Variants in BTBD9 observed in about 807,000 individuals in gnomAD.
BTBD9 encodes BTB/POZ domain-containing protein 9.
In BTBD9, 49 loss-of-function variants were observed where a neutral mutation model predicts 64.3. That is an observed-to-expected ratio of 0.76 (90% CI 0.61 to 0.97). BTBD9 has a LOEUF of 0.97. Ranked by LOEUF, BTBD9 falls within the 50% of genes least tolerant of loss-of-function variation. The pLI is 0.00. For synonymous variants in BTBD9, 260 were observed against 274.7 expected, an observed-to-expected ratio of 0.95 and a Z score of 0.53; for missense variants, 598 against 762.1, an observed-to-expected ratio of 0.78 and a Z score of 2.53.
chr6:38,621,095 A>T (rs1777966519), intron 1 of BTBD9, among the ~76,000 whole-genome samples: 1 of 152,212 alleles, frequency 6.6e-6, no homozygotes, highest in South Asian at 2.1e-4. Flanking sequence ...AGCTGGCCTC[A>T]CTGTTTACAG....
At chr6:38,179,791 A>G (rs1761464813) in intron 10 of BTBD9, 1 of 456,620 alleles carries the variant, frequency 2.2e-6, no homozygotes, top group Non-Finnish European at 4.4e-6. Flanking sequence ...CATACATCAG[A>G]GGTGTGTGAG....
rs1766647673 is a variant in BTBD9, at chr6:38,169,264, G to GCT, written c.*5720_*5721insAG. 6.6e-6 allele frequency: 1 copy of GCT among 152,456 alleles called. No individual in the cohort carries two copies. The highest frequency in any genetic ancestry group is 1.5e-5 in the Non-Finnish European group (1 of 68,240). The allele number at this position is 152,456 out of a possible 1,614,324, so 9.4% of individuals were successfully genotyped here. A position where few individuals can be genotyped will look rare whatever the true frequency, so the allele number is the denominator to read the frequency against. On this transcript the variant is annotated 3_prime_UTR_variant, in exon 11 of 11. Transcript: ENST00000481247. ...ACTGGCCGCACCCTCAGGCCCAGGT[G>GCT]GGAAGTGTGGGCTGGGGGTAAACCC...
chr6:38,366,475 T>C (rs997687727), intron 6 of BTBD9, among the ~76,000 whole-genome samples: 2 of 152,250 alleles, frequency 1.3e-5, no homozygotes, highest in African/African-American at 2.4e-5. Flanking sequence ...AAAGGAAAGC[T>C]GTCCCCTAAG....
intron 6 of BTBD9, among the ~76,000 whole-genome samples, chr6:38,409,044 G>C (rs955818232): frequency 6.6e-6 from 1 of 152,140 alleles, no homozygotes; most frequent in Non-Finnish European, 1.5e-5. Flanking sequence ...GAGGCCAGGA[G>C]TTCGAGCCCA....
intron 6 of BTBD9, among the ~76,000 whole-genome samples, chr6:38,511,267 C>T (rs1157286388): frequency 6.6e-6 from 1 of 151,586 alleles, no homozygotes; most frequent in Non-Finnish European, 1.5e-5. Context: ...ACCTTCCTTA[C>T]AAAATATTGT....
At chr6:38,187,852 G>A (rs1335937024) in intron 10 of BTBD9, among the ~76,000 whole-genome samples, 2 of 152,172 alleles carry the variant, frequency 1.3e-5, no homozygotes, top group African/African-American at 2.4e-5. Context: ...AGCAGCAGAC[G>A]TACACTTCCC....
intron 9 of BTBD9, among the ~76,000 whole-genome samples, chr6:38,219,665 T>C (rs555994321): frequency 6.6e-6 from 1 of 152,314 alleles, no homozygotes; most frequent in African/African-American, 2.4e-5. Context: ...GGTCTCAAGA[T>C]GAGTGTGTGT....
intron 7 of BTBD9, among the ~76,000 whole-genome samples, chr6:38,337,548 G>A (rs1332539468): frequency 6.6e-6 from 1 of 152,134 alleles, no homozygotes; most frequent in East Asian, 1.9e-4. Flanking sequence ...TATCTTACTA[G>A]GCAAGAGATA....
chr6:38,536,015 G>C (rs564946222), intron 6 of BTBD9, among the ~76,000 whole-genome samples: 1 of 151,466 alleles, frequency 6.6e-6, no homozygotes, highest in African/African-American at 2.4e-5. Context: ...AAGTTAAAAA[G>C]CTTCTGCACA....
rs1171327080 is a variant in BTBD9 at position 38,172,773 on chromosome 6, AAAG to A, written c.*2209_*2211del. 1 of 152,432 alleles carries A rather than the reference AAAG, an allele frequency of 6.6e-6. No homozygotes were observed. Among genetic ancestry groups the A allele is most frequent in the Non-Finnish European group, 1.5e-5 (1 of 68,174 alleles). The allele number at this position is 152,432 out of a possible 1,614,324, so 9.4% of individuals were successfully genotyped here. ...GATCTGGAAGGGCATGCCCCGAAGG[AAAG>A]AACCGCCACAGGCCAGGGAGCTGCA... On this transcript the variant is annotated 3_prime_UTR_variant, in exon 11 of 11. Transcript: ENST00000481247.
intron 6 of BTBD9, among the ~76,000 whole-genome samples, chr6:38,427,867 T>C (rs1178484804): frequency 6.6e-6 from 1 of 151,882 alleles, no homozygotes; most frequent in African/African-American, 2.4e-5. Context: ...CTAGAGTAAG[T>C]TTTATTTGAT....
At chr6:38,636,035 G>A (rs1778516298) in intron 1 of BTBD9, among the ~76,000 whole-genome samples, 1 of 152,082 alleles carries the variant, frequency 6.6e-6, no homozygotes, top group Non-Finnish European at 1.5e-5. Flanking sequence ...AACAGCAACA[G>A]CTGCCATTTA....
At chr6:38,243,528 G>C (rs1764080532) in intron 9 of BTBD9, among the ~76,000 whole-genome samples, 1 of 152,056 alleles carries the variant, frequency 6.6e-6, no homozygotes, top group Admixed American at 6.6e-5. Flanking sequence ...TAAGTATGAA[G>C]GTCTGAATAC....
At chr6:38,349,385 T>C (rs1764412684) in intron 6 of BTBD9, among the ~76,000 whole-genome samples, 1 of 152,202 alleles carries the variant, frequency 6.6e-6, no homozygotes, top group African/African-American at 2.4e-5. Flanking sequence ...AGAATGCTGG[T>C]TGTCTTGGAG....
intron 6 of BTBD9, among the ~76,000 whole-genome samples, chr6:38,376,133 C>T (rs2127610443): frequency 6.6e-6 from 1 of 152,160 alleles, no homozygotes; most frequent in African/African-American, 2.4e-5. Flanking sequence ...AAAAATTGCC[C>T]ATGTGGCATT....
At chr6:38,552,497 G>T (rs749164733) in intron 6 of BTBD9, among the ~76,000 whole-genome samples, 32 of 152,080 alleles carry the variant, frequency 2.1e-4, no homozygotes, top group African/African-American at 7.5e-4. Context: ...AAATAAAAAT[G>T]GGCCGGGCAC....
chr6:38,320,459 T>C (rs1304104264), intron 7 of BTBD9, among the ~76,000 whole-genome samples: 2 of 152,212 alleles, frequency 1.3e-5, no homozygotes, highest in East Asian at 3.8e-4. Context: ...TTCCATCATA[T>C]CTACATATTA....
intron 6 of BTBD9, among the ~76,000 whole-genome samples, chr6:38,432,075 G>A (rs1468717127): frequency 6.6e-6 from 1 of 151,876 alleles, no homozygotes; most frequent in East Asian, 1.9e-4. Flanking sequence ...TTCCTCTCAC[G>A]GGACTGGATT....
chr6:38,265,247 G>T (rs1025896190), intron 8 of BTBD9, among the ~76,000 whole-genome samples: 4 of 152,052 alleles, frequency 2.6e-5, no homozygotes, highest in Admixed American at 2.6e-4. Flanking sequence ...TGGCTCCACT[G>T]TGTAGGCTGG....
Sources: allele counts gnomAD v4.1 joint callset (sites outside exome capture counted in the v4.1 genomes callset), GRCh38; gene constraint gnomAD v4.1.1; transcripts MANE v1.5; gene names NCBI Gene and HGNC (gene_info 2026-07-23, HGNC 2026-07-21).